DLG2: variants seen among roughly 807,000 people sequenced by gnomAD.
The protein encoded by DLG2 is disks large homolog 2.
A neutral mutation model predicts 132.5 loss-of-function variants in DLG2; 45 were observed. The observed-to-expected ratio is 0.34, with a 90% CI of 0.27 to 0.44. The LOEUF (loss-of-function observed/expected upper bound fraction) is 0.44. DLG2 is among the 20% of genes least tolerant of loss of function. The pLI, the probability that DLG2 is intolerant of heterozygous loss-of-function variation, is 1.00. For synonymous variants in DLG2, 424 were observed against 419.6 expected, an observed-to-expected ratio of 1.01 and a Z score of -0.13; for missense variants, 1,045 against 1,196.9, an observed-to-expected ratio of 0.87 and a Z score of 1.87.
rs138310905 is a variant in DLG2 at position 84,049,447 on chromosome 11, C to T, written c.919+9868G>A. On this transcript the variant is annotated intron_variant, in intron 11 of 27. Transcript: ENST00000376104. ...AACATGGGCTTCACTCATACGGACT[C>T]TTCGCAGTTGAAAAACTGTCAGCTT... Among the ~76,000 whole-genome samples, 20 of 151,872 alleles carry T rather than the reference C, an allele frequency of 1.3e-4. No individual in the cohort carries two copies. The East Asian group carries it at 3.5e-3, about 27-fold the overall frequency.
At chr11:84,260,175 T>C (rs768519225) in intron 7 of DLG2, among the ~76,000 whole-genome samples, 4 of 152,096 alleles carry the variant, frequency 2.6e-5, no homozygotes, top group Non-Finnish European at 5.9e-5. Context: ...TGGAGCAGCC[T>C]GGAGAATGAA....
intron 3 of DLG2, among the ~76,000 whole-genome samples, chr11:85,331,818 T>C (rs1164159505): frequency 2.0e-5 from 3 of 152,232 alleles, no homozygotes; most frequent in Non-Finnish European, 1.5e-5. Context: ...TATGGCTGCA[T>C]AGTATTTCAT....
chr11:84,978,018 A>G (rs1403110174), intron 6 of DLG2, among the ~76,000 whole-genome samples: 1 of 152,166 alleles, frequency 6.6e-6, no homozygotes, highest in Non-Finnish European at 1.5e-5. Context: ...TTTTTATTCT[A>G]AACTTTGAGT....
chr11:83,669,317 T>C (rs1290534260), intron 18 of DLG2, among the ~76,000 whole-genome samples: 1 of 152,152 alleles, frequency 6.6e-6, no homozygotes, highest in Non-Finnish European at 1.5e-5. Context: ...TAAAAGCAAA[T>C]TGATACTGAG....
intron 11 of DLG2, among the ~76,000 whole-genome samples, chr11:84,034,318 T>C (rs992684477): frequency 2.6e-5 from 4 of 152,156 alleles, no homozygotes; most frequent in African/African-American, 4.8e-5. Flanking sequence ...TTGGATGTAA[T>C]ACTGTTGCAT....
intron 6 of DLG2, among the ~76,000 whole-genome samples, chr11:84,614,393 C>G (rs886904896): frequency 3.3e-5 from 5 of 152,132 alleles, no homozygotes; most frequent in Non-Finnish European, 7.4e-5. Flanking sequence ...AAAAGCCTGA[C>G]ACACTTGTGG....
chr11:83,547,550 ATGGTGG>A (rs2096272227), intron 19 of DLG2, among the ~76,000 whole-genome samples: 2 of 152,232 alleles, frequency 1.3e-5, no homozygotes, highest in South Asian at 4.1e-4. Context: ...GCCAAGGAAA[ATGGTGG>A]CCTTTTACAA....
At chr11:85,606,010 A>AC (rs750874278) in intron 2 of DLG2, among the ~76,000 whole-genome samples, 1 of 152,082 alleles carries the variant, frequency 6.6e-6, no homozygotes, top group African/African-American at 2.4e-5. Flanking sequence ...ATCATAAGGT[A>AC]CCAGGTACCA....
rs10713628 is a variant in DLG2 at position 83,957,554 on chromosome 11, C to CT, written c.1340+5330dup. Among the ~76,000 whole-genome samples the CT allele has an allele frequency of 9.0e-3, 1,279 of 142,778 alleles. 7 individuals carry two copies. The highest frequency in any genetic ancestry group is 0.012 in the African/African-American group (477 of 39,564). The allele number at this position is 142,778 out of a possible 152,430, so 93.7% of individuals were successfully genotyped here. On this transcript the variant is annotated intron_variant, in intron 14 of 27. Coordinates refer to ENST00000376104, the MANE Select transcript of DLG2 (RefSeq NM_001142699.3). Reference sequence around the variant, plus strand: ...TCTCTACTCCACACAGCAGCCAGAACTTTTTTTTTTTTTTTTTAAAAACAT... The same window carrying CT: ...TCTCTACTCCACACAGCAGCCAGAACTTTTTTTTTTTTTTTTTTAAAAACAT...
At position 85,103,939 on chromosome 11, in the gene DLG2, G is replaced by A. The variant is rs557391897; in HGVS notation, c.357+7722C>T. 4.0e-4 allele frequency among the ~76,000 whole-genome samples: 60 copies of A among 151,728 alleles called. 1 individual carries two copies. The highest frequency in any genetic ancestry group is 3.4e-3 in the Middle Eastern group (1 of 292). Reference sequence around the variant, plus strand: ...TAGACATTTTAACAAGAAGATAAACGGTAATAAGTACATGAAAACACGGTC... The same window carrying A: ...TAGACATTTTAACAAGAAGATAAACAGTAATAAGTACATGAAAACACGGTC... On this transcript the variant is annotated intron_variant, in intron 6 of 27. Coordinates refer to ENST00000376104, the MANE Select transcript of DLG2 (RefSeq NM_001142699.3).
intron 9 of DLG2, among the ~76,000 whole-genome samples, chr11:84,122,518 A>G (rs938749363): frequency 1.3e-5 from 2 of 152,074 alleles, no homozygotes; most frequent in African/African-American, 4.8e-5. Context: ...CTATGAGTTC[A>G]CAACTCTCAA....
chr11:85,028,539 C>T (rs984731238), intron 6 of DLG2, among the ~76,000 whole-genome samples: 1 of 152,154 alleles, frequency 6.6e-6, no homozygotes, highest in Non-Finnish European at 1.5e-5. Flanking sequence ...GCCTCCCTCC[C>T]ATGCTCACGG....
intron 5 of DLG2, among the ~76,000 whole-genome samples, chr11:85,120,035 A>G (rs1464577400): frequency 1.3e-5 from 2 of 152,088 alleles, no homozygotes; most frequent in Non-Finnish European, 2.9e-5. Context: ...CAAAAAATGC[A>G]TATACATTGG....
chr11:83,928,125 A>G (rs1168561443), intron 15 of DLG2, among the ~76,000 whole-genome samples: 1 of 152,088 alleles, frequency 6.6e-6, no homozygotes, highest in Non-Finnish European at 1.5e-5. Context: ...AAAGAATAAG[A>G]TAATGGAAAA....
At chr11:85,136,482 T>TC (rs2076152468) in intron 5 of DLG2, among the ~76,000 whole-genome samples, 1 of 152,130 alleles carries the variant, frequency 6.6e-6, no homozygotes, top group Non-Finnish European at 1.5e-5. Context: ...ATGAAGCATT[T>TC]TTTTTTTTAA....
intron 16 of DLG2, among the ~76,000 whole-genome samples, chr11:83,863,662 C>T (rs1215918811): frequency 6.6e-6 from 1 of 151,216 alleles, no homozygotes; most frequent in Non-Finnish European, 1.5e-5. Context: ...AAAAAATAAA[C>T]TGTCAAAAAA....
intron 6 of DLG2, among the ~76,000 whole-genome samples, chr11:84,705,450 T>C (rs1007329552): frequency 1.3e-5 from 2 of 151,746 alleles, no homozygotes; most frequent in Admixed American, 6.6e-5. Flanking sequence ...GGACCATACA[T>C]GGATTCTATG....
intron 4 of DLG2, among the ~76,000 whole-genome samples, chr11:85,229,876 A>T (rs2075198729): frequency 6.6e-6 from 1 of 152,140 alleles, no homozygotes; most frequent in South Asian, 2.1e-4. Flanking sequence ...ATTCTCAGCA[A>T]ACTACACAGG....
intron 9 of DLG2, among the ~76,000 whole-genome samples, chr11:84,121,820 C>G (rs1217020550): frequency 6.6e-6 from 1 of 151,582 alleles, no homozygotes; most frequent in Non-Finnish European, 1.5e-5. Context: ...CTCAGCCTCC[C>G]AAAGTGCTGG....
Sources: gnomAD v4.1 joint callset for allele counts (sites outside exome capture counted in the v4.1 genomes callset) on GRCh38, gnomAD v4.1.1 for gene constraint, MANE v1.5 for transcripts, NCBI Gene and HGNC (gene_info 2026-07-23, HGNC 2026-07-21) for gene names.